Variants in GABRB3 observed in about 807,000 individuals in gnomAD.
GABRB3 encodes the protein gamma-aminobutyric acid receptor subunit beta-3.
GABRB3 carries 14 observed loss-of-function variants against 52.1 expected under a neutral mutation model. The observed-to-expected ratio is 0.27, with a 90% CI of 0.18 to 0.42. The LOEUF (loss-of-function observed/expected upper bound fraction) is 0.42. Ranked by LOEUF, GABRB3 falls within the 10% of genes least tolerant of loss-of-function variation. The probability of loss-of-function intolerance (pLI) is 1.00; values close to 1 mark genes in which losing one functional copy is unlikely to be tolerated. For missense variants in GABRB3, 307 were observed against 609.1 expected, an observed-to-expected ratio of 0.50 and a Z score of 5.22; for synonymous variants, 260 against 232.3, an observed-to-expected ratio of 1.12 and a Z score of -1.08.
chr15:26,606,789 TATAGATAGATATATCTATAGATAG>T (rs1458417676), intron 4 of GABRB3, among the ~76,000 whole-genome samples: 4 of 122,872 alleles, frequency 3.3e-5, no homozygotes, highest in South Asian at 2.6e-4. Context: ...TAGATATATC[TATAGATAGATATATCTATAGATAG>T]ATAGATAGAT....
At chr15:26,586,289 G>T (rs962479302) in intron 4 of GABRB3, among the ~76,000 whole-genome samples, 1 of 151,844 alleles carries the variant, frequency 6.6e-6, no homozygotes, top group Non-Finnish European at 1.5e-5. Context: ...GAGCCACCGC[G>T]CCTGGCTTAA....
chr15:26,692,229 C>T (rs1888609819), intron 3 of GABRB3, among the ~76,000 whole-genome samples: 1 of 152,172 alleles, frequency 6.6e-6, no homozygotes, highest in Non-Finnish European at 1.5e-5. Context: ...TTCTCAGAAA[C>T]AATCCCTTTT....
rs117648189 is a variant in GABRB3, at chr15:26,572,158, G to A, written c.683-4425C>T. 6.1e-3 allele frequency among the ~76,000 whole-genome samples: 934 copies of A among 152,268 alleles called. 4 individuals are homozygous for A. The highest frequency in any genetic ancestry group is 0.031 in the Middle Eastern group (9 of 290). On this transcript the variant is annotated intron_variant, in intron 6 of 8. Transcript: ENST00000311550. ...CTCTGAGGTGGAAACAGTAAGTGGGGCAAACAACGAAGGTGAATAAAAGCA... is the reference window on the plus strand; with the variant it reads ...CTCTGAGGTGGAAACAGTAAGTGGGACAAACAACGAAGGTGAATAAAAGCA...
intron 8 of GABRB3, chr15:26,553,427 G>A (rs2140657874): frequency 6.6e-6 from 1 of 152,316 alleles, no homozygotes; most frequent in Non-Finnish European, 1.5e-5. Context: ...TAGGATCACA[G>A]GCGTGAGCCA....
intron 3 of GABRB3, among the ~76,000 whole-genome samples, chr15:26,759,844 A>T (rs547711781): frequency 1.6e-4 from 24 of 152,358 alleles, no homozygotes; most frequent in Admixed American, 1.6e-3. Context: ...AAACTAAGGT[A>T]CTTCTCTACT....
chr15:26,554,197 A>AG (rs1889660536), intron 8 of GABRB3, among the ~76,000 whole-genome samples: 4 of 83,028 alleles, frequency 4.8e-5, no homozygotes, highest in African/African-American at 1.7e-4. Flanking sequence ...TATACTATAT[A>AG]TATATATATA....
At chr15:26,711,542 A>G (rs1889296187) in intron 3 of GABRB3, among the ~76,000 whole-genome samples, 1 of 152,064 alleles carries the variant, frequency 6.6e-6, no homozygotes, top group Admixed American at 6.6e-5. Context: ...AGTGATTTTG[A>G]CTGGCTCTTA....
In GABRB3 at chr15:26,702,592, TCA is replaced by T. The variant is rs978497175; in HGVS notation, c.240+69808_240+69809del. 7.2e-5 allele frequency among the ~76,000 whole-genome samples: 11 copies of T among 152,254 alleles called. No individual in the cohort carries two copies. In the South Asian group the frequency reaches 2.1e-3, roughly 29 times the overall value. ...CAGAAATAAGGAGAACCTGAAACACTCACCCACTGCTGATGAGAACATAAAAT... is the reference window on the plus strand; with the variant it reads ...CAGAAATAAGGAGAACCTGAAACACTCCCACTGCTGATGAGAACATAAAAT... On this transcript the variant is annotated intron_variant, in intron 3 of 8. Transcript: ENST00000311550.
At chr15:26,758,055 C>G (rs1488704548) in intron 3 of GABRB3, among the ~76,000 whole-genome samples, 1 of 151,060 alleles carries the variant, frequency 6.6e-6, no homozygotes, top group African/African-American at 2.4e-5. Context: ...TTGTTGTTTT[C>G]ACAGTTTCCT....
intron 8 of GABRB3, among the ~76,000 whole-genome samples, chr15:26,558,879 G>C (rs141742397): frequency 0.02 from 3,010 of 152,050 alleles, 82 homozygotes; most frequent in African/African-American, 0.067. Flanking sequence ...CCTGAGACTG[G>C]GTAATTTATA....
In GABRB3 at chr15:26,769,410, C is replaced by T. The variant is rs150808294; in HGVS notation, c.240+2992G>A. On this transcript the variant is annotated intron_variant, in intron 3 of 8. Coordinates refer to ENST00000311550, the MANE Select transcript of GABRB3 (RefSeq NM_000814.6). The stretch of plus-strand genomic sequence containing the variant: ...CTTTTTGGCCAAAATAGTCATCTTA[C>T]GCCACATCTCAAATCATGTCAATTA... Among the ~76,000 whole-genome samples the T allele has an allele frequency of 3.4e-3, 525 of 152,280 alleles. 5 individuals are homozygous for T. Among genetic ancestry groups the T allele is most frequent in the African/African-American group, 0.011 (471 of 41,550 alleles).
intron 4 of GABRB3, among the ~76,000 whole-genome samples, chr15:26,595,786 G>A (rs985030034): frequency 9.9e-5 from 15 of 152,096 alleles, no homozygotes; most frequent in Non-Finnish European, 1.9e-4. Context: ...AAAGAGCCTG[G>A]ACCATAAATC....
chr15:26,629,807 T>C (rs529173641), intron 3 of GABRB3, among the ~76,000 whole-genome samples: 3 of 152,192 alleles, frequency 2.0e-5, no homozygotes, highest in East Asian at 3.9e-4. Flanking sequence ...TTATAAAATA[T>C]CCCTCCTGTA....
chr15:26,571,561 C>T (rs1299515585), intron 6 of GABRB3, among the ~76,000 whole-genome samples: 1 of 152,168 alleles, frequency 6.6e-6, no homozygotes, highest in Non-Finnish European at 1.5e-5. Flanking sequence ...TTCCAAAGTA[C>T]ATCTTCAGGG....
Position 26,554,923 on chromosome 15 carries a change from T to C in GABRB3, c.1080+6009A>G, listed in dbSNP as rs548898267. Among the ~76,000 whole-genome samples, 1,195 of 152,338 alleles carry C rather than the reference T, an allele frequency of 7.8e-3. 10 individuals are homozygous for C. Among genetic ancestry groups the C allele is most frequent in the Non-Finnish European group, 0.011 (749 of 68,036 alleles). ...GGCTGGGCACAGTGGCTCACGCCTGTAATCCCGGCACTTTGGGAGGCTGAG... is the reference window on the plus strand; with the variant it reads ...GGCTGGGCACAGTGGCTCACGCCTGCAATCCCGGCACTTTGGGAGGCTGAG... On this transcript the variant is annotated intron_variant, in intron 8 of 8. Transcript: ENST00000311550.
intron 3 of GABRB3, among the ~76,000 whole-genome samples, chr15:26,768,144 C>CT (rs1156750080): frequency 4.6e-5 from 7 of 151,774 alleles, no homozygotes; most frequent in African/African-American, 1.7e-4. Context: ...AAAAGGAACT[C>CT]TAATTTTTAA....
intron 3 of GABRB3, among the ~76,000 whole-genome samples, chr15:26,762,577 C>T (rs1480104891): frequency 6.6e-6 from 1 of 152,180 alleles, no homozygotes; most frequent in East Asian, 1.9e-4. Context: ...TCTTCACCCC[C>T]TCATGAAGAT....
intron 3 of GABRB3, among the ~76,000 whole-genome samples, chr15:26,763,307 G>C (rs112392559): frequency 2.0e-5 from 3 of 152,132 alleles, no homozygotes; most frequent in African/African-American, 7.2e-5. Flanking sequence ...TTAAAGTTAC[G>C]GTTAATTTTT....
In GABRB3 at chr15:26,594,317, C is replaced by T. The variant is rs151111226; in HGVS notation, c.462-10903G>A. Among the ~76,000 whole-genome samples, 327 of 151,974 alleles carry T rather than the reference C, an allele frequency of 2.2e-3. 2 individuals are homozygous for T. Among genetic ancestry groups the T allele is most frequent in the African/African-American group, 7.5e-3 (312 of 41,446 alleles). The stretch of plus-strand genomic sequence containing the variant: ...ACTTGGGCATTTCATCATTATAATG[C>T]GGTCACTCTGAAAATCAGATTCTTT... On this transcript the variant is annotated intron_variant, in intron 4 of 8. Transcript: ENST00000311550.
Sources: gnomAD v4.1 joint callset for allele counts (sites outside exome capture counted in the v4.1 genomes callset) on GRCh38, gnomAD v4.1.1 for gene constraint, MANE v1.5 for transcripts, NCBI Gene and HGNC (gene_info 2026-07-23, HGNC 2026-07-21) for gene names.